ZDHHC12: variants seen among roughly 807,000 people sequenced by gnomAD.
ZDHHC12 encodes palmitoyltransferase ZDHHC12.
A neutral mutation model predicts 33.2 loss-of-function variants in ZDHHC12; 26 were observed. The observed-to-expected ratio is 0.78, with a 90% CI of 0.57 to 1.09. The LOEUF (loss-of-function observed/expected upper bound fraction) is 1.09, where lower values mean the gene tolerates loss of function less well. Ranked by LOEUF, ZDHHC12 falls within the 50% of genes least tolerant of loss-of-function variation. The probability of loss-of-function intolerance (pLI) is 0.00; values close to 1 mark genes in which losing one functional copy is unlikely to be tolerated. For missense variants in ZDHHC12, 350 were observed against 353.0 expected, an observed-to-expected ratio of 0.99 and a Z score of 0.07; for synonymous variants, 154 against 152.1, an observed-to-expected ratio of 1.01 and a Z score of -0.09.
chr9:128,723,521 T>G lies in ZDHHC12; in HGVS notation c.100+473A>C. 1 of 197,618 alleles carries G rather than the reference T, an allele frequency of 5.1e-6. No homozygotes were observed. The allele number at this position is 197,618 out of a possible 1,614,324, so 12.2% of individuals were successfully genotyped here. A position where few individuals can be genotyped will look rare whatever the true frequency, so the allele number is the denominator to read the frequency against. ...AAGATGGGAGACAGGCCGCACCCCA[T>G]GGAGTGTTCTCTGGCCTGAGGGTTT... is the stretch of plus-strand genomic sequence containing the variant. On this transcript the variant is annotated intron_variant, in intron 1 of 4. Coordinates refer to ENST00000372663, the MANE Select transcript of ZDHHC12 (RefSeq NM_032799.5). The surrounding 1 kb of genome is among the most constrained non-coding windows in gnomAD (Gnocchi z 4.4).
Position 128,722,230 on chromosome 9 carries a change from G to T in ZDHHC12, c.238-144C>A. ...GAATGGAGGTGTGGGGTATGGCGGA[G>T]CACCCTGGACTGAGGGCGGCTGTGT... On this transcript the variant is annotated intron_variant, in intron 2 of 4. Coordinates refer to ENST00000372663, the MANE Select transcript of ZDHHC12 (RefSeq NM_032799.5). This position sits in a 1 kb window ranked among gnomAD's most constrained non-coding sequence, Gnocchi z 4.2. 8.5e-7 allele frequency: 1 copy of T among 1,178,368 alleles called. No homozygotes were observed. Among genetic ancestry groups the T allele is most frequent in the Non-Finnish European group, 1.2e-6 (1 of 823,804 alleles). 73.0% of individuals were successfully genotyped at this position (1,178,368 alleles called of 1,614,324 possible). A position where few individuals can be genotyped will look rare whatever the true frequency, so the allele number is the denominator to read the frequency against.
chr9:128,721,229 C>A lies in ZDHHC12; in HGVS notation c.756G>T (p.Glu252Asp). The part of the protein sequence containing the change: ...FFCGWPSGSW[E>D]TLWAEEEEEG... ...CTTCCTCCTCCTCAGCCCAGAGGGTCTCCCAGGACCCTGAGGGCCATCCAC... is the reference window on the plus strand; with the variant it reads ...CTTCCTCCTCCTCAGCCCAGAGGGTATCCCAGGACCCTGAGGGCCATCCAC... The change falls in exon 5 of 5, where the codon GAG (glutamate) becomes GAT (aspartate). Residue 252 changes from glutamate (E) to aspartate (D), a missense_variant. Physicochemically the swap from Glu to Asp is conservative, Grantham distance 45. Coordinates refer to ENST00000372663, the MANE Select transcript of ZDHHC12 (RefSeq NM_032799.5). The surrounding 1 kb of genome is among the most constrained non-coding windows in gnomAD (Gnocchi z 6.9). The A allele has an allele frequency of 6.2e-7, 1 of 1,604,170 alleles. No individual in the cohort carries two copies. Among genetic ancestry groups the A allele is most frequent in the South Asian group, 1.1e-5 (1 of 89,388 alleles).
rs1367234222 is a variant in ZDHHC12 at position 128,722,076 on chromosome 9, T to A, written c.248A>T (p.Lys83Ile). Reference sequence around the variant, plus strand: ...AGGAACCATGGCTGTCTGCTCCTCTTTGAGCTCCTCCTGGAATGAGGGGTG... The same window carrying A: ...AGGAACCATGGCTGTCTGCTCCTCTATGAGCTCCTCCTGGAATGAGGGGTG... ...NVQPQPQEEL[K>I]EEQTAMVPPA... Residue 83 changes from lysine (K) to isoleucine (I), a missense_variant, in exon 3 of 5, where the codon AAA (lysine) becomes ATA (isoleucine). Coordinates refer to ENST00000372663, the MANE Select transcript of ZDHHC12 (RefSeq NM_032799.5). The surrounding 1 kb of genome is among the most constrained non-coding windows in gnomAD (Gnocchi z 4.2). The A allele has an allele frequency of 1.7e-5, 27 of 1,613,994 alleles. No individual in the cohort carries two copies. The highest frequency in any genetic ancestry group is 2.0e-5 in the Non-Finnish European group (24 of 1,179,956).
At position 128,721,945 on chromosome 9, in the gene ZDHHC12, G is replaced by A; in HGVS notation, c.315+64C>T. On this transcript the variant is annotated intron_variant, in intron 3 of 4. Coordinates refer to ENST00000372663, the MANE Select transcript of ZDHHC12 (RefSeq NM_032799.5). The surrounding 1 kb of genome is among the most constrained non-coding windows in gnomAD (Gnocchi z 6.9). Reference sequence around the variant, plus strand: ...GGGGCGAGGCCCAGGCAGTGGGGCAGGAGGAGGTCGAGGAGTCTCAGCTTT... The same window carrying A: ...GGGGCGAGGCCCAGGCAGTGGGGCAAGAGGAGGTCGAGGAGTCTCAGCTTT... 5 of 1,611,360 alleles carry A rather than the reference G, an allele frequency of 3.1e-6. No homozygotes were observed. The South Asian group carries it at 4.4e-5, about 14-fold the overall frequency.
rs973802603 is a variant in ZDHHC12 at position 128,722,323 on chromosome 9, G to C, written c.237+115C>G. On this transcript the variant is annotated intron_variant, in intron 2 of 4. Transcript: ENST00000372663. This position sits in a 1 kb window ranked among gnomAD's most constrained non-coding sequence, Gnocchi z 4.2. Reference sequence around the variant, plus strand: ...TCACTACTGTAGATGGGGCTCTAGGGGTGGCAAGAGGAGTCACTGAACTGC... The same window carrying C: ...TCACTACTGTAGATGGGGCTCTAGGCGTGGCAAGAGGAGTCACTGAACTGC... The C allele has an allele frequency of 3.1e-6, 4 of 1,303,534 alleles. No individual in the cohort carries two copies. Among genetic ancestry groups the C allele is most frequent in the Non-Finnish European group, 4.1e-6 (4 of 965,094 alleles). 80.7% of individuals were successfully genotyped at this position (1,303,534 alleles called of 1,614,324 possible).
chr9:128,721,072 G>T lies in ZDHHC12; in HGVS notation c.*109C>A. Reference sequence around the variant, plus strand: ...GACTTGAAGCTCCGTTCTGGGGTCTGGGAGGCGTGGGCAGGAGTGAGGGCC... The same window carrying T: ...GACTTGAAGCTCCGTTCTGGGGTCTTGGAGGCGTGGGCAGGAGTGAGGGCC... On this transcript the variant is annotated 3_prime_UTR_variant, in exon 5 of 5. Coordinates refer to ENST00000372663, the MANE Select transcript of ZDHHC12 (RefSeq NM_032799.5). This position sits in a 1 kb window ranked among gnomAD's most constrained non-coding sequence, Gnocchi z 6.9. 8.8e-7 allele frequency: 1 copy of T among 1,130,002 alleles called. No individual in the cohort carries two copies. The highest frequency in any genetic ancestry group is 1.2e-6 in the Non-Finnish European group (1 of 821,534). 70.0% of individuals were successfully genotyped at this position (1,130,002 alleles called of 1,614,324 possible). A position where few individuals can be genotyped will look rare whatever the true frequency, so the allele number is the denominator to read the frequency against.
In ZDHHC12 at chr9:128,721,261, A is replaced by C. The variant is rs1461887354; in HGVS notation, c.724T>G (p.Phe242Val). 1.9e-6 allele frequency: 3 copies of C among 1,605,108 alleles called. No homozygotes were observed. In the East Asian group the frequency reaches 6.7e-5, roughly 36 times the overall value. ...DRGLTRNLAH[F>V]FCGWPSGSWE... ...GACCCTGAGGGCCATCCACAGAAGA[A>C]GTGGGCCAGGTTGCGGGTCAGGCCT... The change falls in exon 5 of 5, where the codon TTC becomes GTC. Residue 242 changes from phenylalanine to valine, a missense_variant. By Grantham distance (50) the Phe-to-Val change is conservative (BLOSUM62 -1). Coordinates refer to ENST00000372663, the MANE Select transcript of ZDHHC12 (RefSeq NM_032799.5). The surrounding 1 kb of genome is among the most constrained non-coding windows in gnomAD (Gnocchi z 6.9).
chr9:128,722,516 C>A lies in ZDHHC12; in HGVS notation c.159G>T (p.Leu53=). ...ELLLPLTFLL[L]VLGSLLLYLA... ...GGTAGAGCAGCAGGGAGCCCAGCACCAGGAGCAGGAAGGTGAGGGGCAGGA... is the reference window on the plus strand; with the variant it reads ...GGTAGAGCAGCAGGGAGCCCAGCACAAGGAGCAGGAAGGTGAGGGGCAGGA... Residue 53 remains leucine, a synonymous_variant, in exon 2 of 5, where the codon CTG becomes CTT. Transcript: ENST00000372663. The surrounding 1 kb of genome is among the most constrained non-coding windows in gnomAD (Gnocchi z 4.2). 7.6e-6 allele frequency: 12 copies of A among 1,586,458 alleles called. No individual in the cohort carries two copies. The highest frequency in any genetic ancestry group is 1.0e-5 in the Non-Finnish European group (12 of 1,166,012).
Position 128,724,095 on chromosome 9 carries a change from G to A in ZDHHC12, c.-2C>T. ...GCTGAGGAGCGCCCAGGGCGCCATCGCCTCGGCCCGGGGCCCCACCCGGAA... is the reference window on the plus strand; with the variant it reads ...GCTGAGGAGCGCCCAGGGCGCCATCACCTCGGCCCGGGGCCCCACCCGGAA... On this transcript the variant is annotated 5_prime_UTR_variant, in exon 1 of 5. Coordinates refer to ENST00000372663, the MANE Select transcript of ZDHHC12 (RefSeq NM_032799.5). 3.8e-6 allele frequency: 6 copies of A among 1,565,514 alleles called. No homozygotes were observed. Among genetic ancestry groups the A allele is most frequent in the Non-Finnish European group, 4.3e-6 (5 of 1,152,290 alleles).
At position 128,721,438 on chromosome 9, in the gene ZDHHC12, T is replaced by TG. The variant is rs1452492423; in HGVS notation, c.546dup (p.Thr183HisfsTer75). 8.2e-6 allele frequency: 13 copies of TG among 1,583,254 alleles called. No individual in the cohort carries two copies. On this transcript the variant is annotated frameshift_variant, in exon 5 of 5. Transcript: ENST00000372663. LOFTEE classifies it high-confidence loss of function. This position sits in a 1 kb window ranked among gnomAD's most constrained non-coding sequence, Gnocchi z 6.9. ...GAGAAGAGGGACAGCAGCAGGAAGG[T>TG]GGCGAACAGGAGCCCGCTGGACCGC... is the stretch of plus-strand genomic sequence containing the variant.
At position 128,721,338 on chromosome 9, in the gene ZDHHC12, G is replaced by A. The variant is rs1479335179; in HGVS notation, c.647C>T (p.Ser216Phe). 6.3e-7 allele frequency: 1 copy of A among 1,592,702 alleles called. No individual in the cohort carries two copies. ...GCGGAGATAGGCGATGCGGTGTGAG[G>A]AGATGAATTCCCAGGTGGTGGTGTT... ...ASNTTTWEFI[S>F]SHRIAYLRQR... The change falls in exon 5 of 5, where the codon TCC becomes TTC. Residue 216 changes from serine to phenylalanine, a missense_variant. Ser to Phe is a radical substitution (Grantham distance 155, BLOSUM62 -2). Coordinates refer to ENST00000372663, the MANE Select transcript of ZDHHC12 (RefSeq NM_032799.5). The surrounding 1 kb of genome is among the most constrained non-coding windows in gnomAD (Gnocchi z 6.9).
chr9:128,721,239 C>T lies in ZDHHC12; in HGVS notation c.746G>A (p.Gly249Glu). The T allele has an allele frequency of 1.2e-6, 2 of 1,605,268 alleles. No individual in the cohort carries two copies. Among genetic ancestry groups the T allele is most frequent in the Admixed American group, 1.7e-5 (1 of 58,946 alleles). The change falls in exon 5 of 5, where the codon GGG becomes GAG. Residue 249 changes from glycine (G) to glutamate (E), a missense_variant. Gly to Glu is a moderately conservative substitution (Grantham distance 98). Coordinates refer to ENST00000372663, the MANE Select transcript of ZDHHC12 (RefSeq NM_032799.5). This position sits in a 1 kb window ranked among gnomAD's most constrained non-coding sequence, Gnocchi z 6.9. ...LAHFFCGWPS[G>E]SWETLWAEEE... ...CTCAGCCCAGAGGGTCTCCCAGGACCCTGAGGGCCATCCACAGAAGAAGTG... is the reference window on the plus strand; with the variant it reads ...CTCAGCCCAGAGGGTCTCCCAGGACTCTGAGGGCCATCCACAGAAGAAGTG...
Position 128,722,559 on chromosome 9 carries a change from T to G in ZDHHC12, c.116A>C (p.Glu39Ala), listed in dbSNP as rs769104538. The stretch of plus-strand genomic sequence containing the variant: ...GGGCAGGAGCAGCTCCCCCTGCTCC[T>G]CCCATTGCCGCAGCTCTGGAGAGGC... ...FLHDTELRQW[E>A]EQGELLLPLT... is the part of the protein sequence containing the mutation. The change falls in exon 2 of 5, where the codon GAG (glutamate) becomes GCG (alanine). Residue 39 changes from glutamate to alanine, a missense_variant. Coordinates refer to ENST00000372663, the MANE Select transcript of ZDHHC12 (RefSeq NM_032799.5). The surrounding 1 kb of genome is among the most constrained non-coding windows in gnomAD (Gnocchi z 4.2). The G allele has an allele frequency of 5.0e-6, 8 of 1,593,148 alleles. No individual in the cohort carries two copies. The highest frequency in any genetic ancestry group is 6.8e-6 in the Non-Finnish European group (8 of 1,169,864).
At position 128,722,558 on chromosome 9, in the gene ZDHHC12, C is replaced by T. The variant is rs1862598592; in HGVS notation, c.117G>A (p.Glu39=). 6.3e-7 allele frequency: 1 copy of T among 1,592,966 alleles called. No homozygotes were observed. Among genetic ancestry groups the T allele is most frequent in the Middle Eastern group, 1.7e-4 (1 of 6,002 alleles). ...FLHDTELRQW[E]EQGELLLPLT... is the part of the protein sequence containing the mutation. Reference sequence around the variant, plus strand: ...GGGGCAGGAGCAGCTCCCCCTGCTCCTCCCATTGCCGCAGCTCTGGAGAGG... The same window carrying T: ...GGGGCAGGAGCAGCTCCCCCTGCTCTTCCCATTGCCGCAGCTCTGGAGAGG... The change falls in exon 2 of 5, where the codon GAG becomes GAA. Residue 39 remains glutamate (E), a synonymous_variant. Coordinates refer to ENST00000372663, the MANE Select transcript of ZDHHC12 (RefSeq NM_032799.5). This position sits in a 1 kb window ranked among gnomAD's most constrained non-coding sequence, Gnocchi z 4.2.
In ZDHHC12 at chr9:128,721,111, G is replaced by A. The variant is rs1181959695; in HGVS notation, c.*70C>T. The A allele has an allele frequency of 2.1e-6, 3 of 1,431,110 alleles. No homozygotes were observed. The highest frequency in any genetic ancestry group is 2.8e-6 in the Non-Finnish European group (3 of 1,089,484). The allele number at this position is 1,431,110 out of a possible 1,614,324, so 88.7% of individuals were successfully genotyped here. ...GGAGTGAGGGCCCCAGGCCCTCTGA[G>A]CGCTCACCCCAGCTGGGGACAGGCC... On this transcript the variant is annotated 3_prime_UTR_variant, in exon 5 of 5. Transcript: ENST00000372663. This position sits in a 1 kb window ranked among gnomAD's most constrained non-coding sequence, Gnocchi z 6.9.
At position 128,724,047 on chromosome 9, in the gene ZDHHC12, C is replaced by G. The variant is rs766300900; in HGVS notation, c.47G>C (p.Gly16Ala). 4.3e-6 allele frequency: 7 copies of G among 1,611,562 alleles called. No homozygotes were observed. In the South Asian group the frequency reaches 6.6e-5, roughly 15 times the overall value. ...LLSPGVLVRT[G>A]HTVLTWGITL... ...GATTCCCCAGGTCAGCACGGTGTGC[C>G]CGGTCCGCACCAGGACCCCAGGGCT... Residue 16 changes from glycine (G) to alanine (A), a missense_variant, in exon 1 of 5, where the codon GGG becomes GCG. By Grantham distance (60) the Gly-to-Ala change is moderately conservative. Transcript: ENST00000372663.
At position 128,721,081 on chromosome 9, in the gene ZDHHC12, G is replaced by C; in HGVS notation, c.*100C>G. ...CTCCGTTCTGGGGTCTGGGAGGCGT[G>C]GGCAGGAGTGAGGGCCCCAGGCCCT... On this transcript the variant is annotated 3_prime_UTR_variant, in exon 5 of 5. Transcript: ENST00000372663. The surrounding 1 kb of genome is among the most constrained non-coding windows in gnomAD (Gnocchi z 6.9). 8.1e-7 allele frequency: 1 copy of C among 1,227,132 alleles called. No individual in the cohort carries two copies. The allele number at this position is 1,227,132 out of a possible 1,614,324, so 76.0% of individuals were successfully genotyped here.
rs78428039 is a variant in ZDHHC12 at position 128,721,389 on chromosome 9, A to G, written c.596T>C (p.Val199Ala). ...LFSLVASLLLVSHLYLVASNT... is the reference protein window; with the variant it reads ...LFSLVASLLLASHLYLVASNT... The stretch of plus-strand genomic sequence containing the variant: ...GCTGGCCACCAGGTAGAGGTGCGAG[A>G]CGAGGAGCAGGCTGGCCACCAACGA... The change falls in exon 5 of 5, where the codon GTC (valine) becomes GCC (alanine). Residue 199 changes from valine to alanine, a missense_variant. Val to Ala is a moderately conservative substitution (Grantham distance 64). Coordinates refer to ENST00000372663, the MANE Select transcript of ZDHHC12 (RefSeq NM_032799.5). The surrounding 1 kb of genome is among the most constrained non-coding windows in gnomAD (Gnocchi z 6.9). 2.6e-3 allele frequency: 4,189 copies of G among 1,582,118 alleles called. 29 individuals are homozygous for G. The highest frequency in any genetic ancestry group is 0.022 in the African/African-American group (1,660 of 74,592).
At position 128,721,428 on chromosome 9, in the gene ZDHHC12, AGCAG is replaced by A. The variant is rs1862548712; in HGVS notation, c.553_556del (p.Leu185CysfsTer50). The A allele has an allele frequency of 1.3e-6, 2 of 1,584,428 alleles. No individual in the cohort carries two copies. Among genetic ancestry groups the A allele is most frequent in the African/African-American group, 2.7e-5 (2 of 74,572 alleles). On this transcript the variant is annotated frameshift_variant, in exon 5 of 5. Coordinates refer to ENST00000372663, the MANE Select transcript of ZDHHC12 (RefSeq NM_032799.5). LOFTEE classifies it high-confidence loss of function. The surrounding 1 kb of genome is among the most constrained non-coding windows in gnomAD (Gnocchi z 6.9). ...GGCCACCAACGAGAAGAGGGACAGC[AGCAG>A]GAAGGTGGCGAACAGGAGCCCGCTG...
Sources: gnomAD v4.1 joint callset for allele counts on GRCh38, gnomAD v4.1.1 for gene constraint, Gnocchi (gnomAD v3.1) non-coding constraint, MANE v1.5 for transcripts, NCBI Gene and HGNC (gene_info 2026-07-23, HGNC 2026-07-21) for gene names.